Variants in PZP observed in about 807,000 individuals in gnomAD.
PZP encodes the protein PZP alpha-2-macroglobulin like, also known as pregnancy zone protein.
In PZP, 150 loss-of-function variants were observed where a neutral mutation model predicts 179.8. The observed-to-expected ratio is 0.83, with a 90% confidence interval of 0.73 to 0.96. PZP has a LOEUF of 0.96. Ranked by LOEUF, PZP falls within the 40% of genes least tolerant of loss-of-function variation. The pLI is 0.00. For synonymous variants in PZP, 624 were observed against 652.3 expected, an observed-to-expected ratio of 0.96 and a Z score of 0.66; for missense variants, 1,689 against 1,764.0, an observed-to-expected ratio of 0.96 and a Z score of 0.76.
chr12:9,164,829 AAAGCTGAGTTGT>A (rs1486209868), intron 19 of PZP, among the ~76,000 whole-genome samples: 3 of 152,234 alleles, frequency 2.0e-5, no homozygotes, highest in African/African-American at 7.2e-5. Context: ...TGGAACTGAG[AAAGCTGAGTTGT>A]GTGTCAGCTT....
chr12:9,148,884 G>A lies in PZP; in HGVS notation c.*88C>T. 4 of 1,169,234 alleles carry A rather than the reference G, an allele frequency of 3.4e-6. No individual in the cohort carries two copies. The highest frequency in any genetic ancestry group is 5.0e-6 in the Non-Finnish European group (4 of 799,668). The allele number at this position is 1,169,234 out of a possible 1,614,324, so 72.4% of individuals were successfully genotyped here. On this transcript the variant is annotated 3_prime_UTR_variant, in exon 36 of 36. Coordinates refer to ENST00000261336, the MANE Select transcript of PZP (RefSeq NM_002864.3). ...TATTTATTCAGCAAATATTTTTAGT[G>A]TCTATTTTATAGAGACAAATAACTC...
chr12:9,181,747 G>C (rs1046820971), intron 14 of PZP, among the ~76,000 whole-genome samples: 1 of 152,154 alleles, frequency 6.6e-6, no homozygotes, highest in Non-Finnish European at 1.5e-5. Flanking sequence ...AATCAGCAGA[G>C]AAGAGCATCA....
intron 11 of PZP, among the ~76,000 whole-genome samples, chr12:9,193,729 G>C (rs1943587201): frequency 6.6e-6 from 1 of 152,172 alleles, no homozygotes; most frequent in Non-Finnish European, 1.5e-5. Flanking sequence ...GTGTGTGTGT[G>C]TGTGATCACT....
In PZP at chr12:9,194,191, G is replaced by T; in HGVS notation, c.1140C>A (p.Phe380Leu). The T allele has an allele frequency of 6.2e-7, 1 of 1,614,064 alleles. No individual in the cohort carries two copies. The highest frequency in any genetic ancestry group is 1.3e-5 in the African/African-American group (1 of 75,034). ...GKGVPIPNKL[F>L]FISVNDANYY... ...AATTGGCGTCATTCACAGAGATGAA[G>T]AAGAGTTTATTGGGGATGGGCACAC... Residue 380 changes from phenylalanine to leucine, a missense_variant, in exon 11 of 36, where the codon TTC (phenylalanine) becomes TTA (leucine). This residue lies in a region of PZP where 742 missense variants were observed against 730.5 expected (regional missense o/e 1.02). Transcript: ENST00000261336.
In PZP at chr12:9,157,304, C is replaced by T. The variant is rs756647021; in HGVS notation, c.3421G>A (p.Ala1141Thr). The T allele has an allele frequency of 6.2e-7, 1 of 1,614,058 alleles. No homozygotes were observed. The highest frequency in any genetic ancestry group is 1.7e-5 in the Admixed American group (1 of 60,028). ...TGGCTCCCATGGGTCCCCTCCTTTG[C>T]TACATTCCAGGCTGACTCCAGGCAG... The part of the protein sequence containing the change: ...LFCLESAWNV[A>T]KEGTHGSHVY... Residue 1141 changes from alanine (A) to threonine (T), a missense_variant, in exon 28 of 36, where the codon GCA becomes ACA. Coordinates refer to ENST00000261336, the MANE Select transcript of PZP (RefSeq NM_002864.3).
At chr12:9,159,884 T>C (rs891923537) in intron 25 of PZP, 54 bp downstream of exon 25, 1 of 1,441,010 alleles carries the variant, frequency 6.9e-7, no homozygotes, top group Non-Finnish European at 9.8e-7. Context: ...ACAGGTAATC[T>C]ATGTGCACGT....
chr12:9,204,394 A>G (rs1944344518), intron 1 of PZP, among the ~76,000 whole-genome samples: 1 of 152,236 alleles, frequency 6.6e-6, no homozygotes, highest in African/African-American at 2.4e-5. Flanking sequence ...GATAAACATC[A>G]CTTTGGAATG....
chr12:9,199,484 A>G (rs980037583), intron 7 of PZP, among the ~76,000 whole-genome samples: 6 of 152,172 alleles, frequency 3.9e-5, no homozygotes, highest in African/African-American at 1.4e-4. Context: ...CTGGTTATTG[A>G]ACAATTGTTC....
At chr12:9,198,565 A>G (rs1943971863) in intron 7 of PZP, among the ~76,000 whole-genome samples, 1 of 152,148 alleles carries the variant, frequency 6.6e-6, no homozygotes, top group Non-Finnish European at 1.5e-5. Context: ...AGGGAGAGAG[A>G]GGGAGAAAAA....
At chr12:9,160,614 A>T in intron 23 of PZP, 124 bp from the exon 24 acceptor site, 2 of 861,440 alleles carry the variant, frequency 2.3e-6, no homozygotes, top group Non-Finnish European at 3.6e-6. Flanking sequence ...ATATACACAG[A>T]GTGTGACTTC....
In PZP at chr12:9,176,994, G is replaced by A. The variant is rs184297444; in HGVS notation, c.1839+3989C>T. Among the ~76,000 whole-genome samples, 67 of 152,288 alleles carry A rather than the reference G, an allele frequency of 4.4e-4. 2 individuals are homozygous for A. In the South Asian group the frequency reaches 8.9e-3, roughly 20 times the overall value. Reference sequence around the variant, plus strand: ...CAATGAGAATCTCAGAGAGAGGATCGAGTATATTTTACATGTGAGAGCTCA... The same window carrying A: ...CAATGAGAATCTCAGAGAGAGGATCAAGTATATTTTACATGTGAGAGCTCA... On this transcript the variant is annotated intron_variant, in intron 15 of 35. Transcript: ENST00000261336.
At chr12:9,178,164 G>A (rs74060647) in intron 15 of PZP, among the ~76,000 whole-genome samples, 23 of 152,216 alleles carry the variant, frequency 1.5e-4, no homozygotes, top group African/African-American at 5.3e-4. Flanking sequence ...CATTATCTGT[G>A]GTCAACTGTG....
rs778576464 is a variant in PZP, at chr12:9,201,024, G to A, written c.538C>T (p.Leu180Phe). 4 of 1,614,102 alleles carry A rather than the reference G, an allele frequency of 2.5e-6. No homozygotes were observed. The highest frequency in any genetic ancestry group is 3.3e-5 in the Admixed American group (2 of 60,024). ...RRNRIAQWQS[L>F]KLEAGINQLS... ...TGATTGATGCCAGCTTCTAGCTTGA[G>A]ACTCTGCCATTGTGCAATTCGATTT... is the stretch of plus-strand genomic sequence containing the variant. Residue 180 changes from leucine to phenylalanine, a missense_variant, in exon 6 of 36, where the codon CTC (leucine) becomes TTC (phenylalanine). By Grantham distance (22) the Leu-to-Phe change is conservative. This residue lies in a region of PZP where 742 missense variants were observed against 730.5 expected (regional missense o/e 1.02). Coordinates refer to ENST00000261336, the MANE Select transcript of PZP (RefSeq NM_002864.3).
rs1944121329 is a variant in PZP, at chr12:9,200,969, A to G, written c.593T>C (p.Ile198Thr). 3.1e-6 allele frequency: 5 copies of G among 1,613,826 alleles called. No homozygotes were observed. Among genetic ancestry groups the G allele is most frequent in the Middle Eastern group, 1.6e-4 (1 of 6,084 alleles). Residue 198 changes from isoleucine (I) to threonine (T), a missense_variant, in exon 6 of 36, where the codon ATT (isoleucine) becomes ACT (threonine). Coordinates refer to ENST00000261336, the MANE Select transcript of PZP (RefSeq NM_002864.3). ...TACCACCACCCTGTAGGAGCCCTGA[A>G]TGGGCTCTGATGAGAGGGGAAAGGA... ...QLSFPLSSEP[I>T]QGSYRVVVQT...
rs1940607668 is a variant in PZP, at chr12:9,154,614, A to G, written c.3774+2T>C. The G allele has an allele frequency of 6.2e-7, 1 of 1,613,666 alleles. No homozygotes were observed. Among genetic ancestry groups the G allele is most frequent in the Admixed American group, 1.7e-5 (1 of 59,982 alleles). ...GCAGAAGACTCTTTGGGAACCACTGACCTGGGTGGAGGAGAAACCACCTTG... is the reference window on the plus strand; with the variant it reads ...GCAGAAGACTCTTTGGGAACCACTGGCCTGGGTGGAGGAGAAACCACCTTG... On this transcript the variant is annotated splice_donor_variant, in intron 29 of 35. Transcript: ENST00000261336. LOFTEE classifies it high-confidence loss of function.
chr12:9,161,683 A>G (rs1592461917), intron 22 of PZP, among the ~76,000 whole-genome samples: 1 of 152,374 alleles, frequency 6.6e-6, no homozygotes, highest in Non-Finnish European at 1.5e-5. Context: ...TAAATAGATA[A>G]CATGAATATA....
intron 6 of PZP, 26 bp from the exon 7 acceptor site, chr12:9,200,474 G>A (rs2121204647): frequency 4.6e-6 from 7 of 1,520,206 alleles, no homozygotes; most frequent in Non-Finnish European, 6.3e-6. Context: ...ATAGGAATAA[G>A]GAAGGTTGGT....
At chr12:9,157,381 C>G (rs773659821) in intron 27 of PZP, 26 bp from the exon 28 acceptor site, 1 of 1,597,312 alleles carries the variant, frequency 6.3e-7, no homozygotes, top group Non-Finnish European at 8.5e-7. Flanking sequence ...GTGGTTGTGT[C>G]AAACTAGGGT....
intron 19 of PZP, 111 bp downstream of exon 19, chr12:9,165,028 A>G: frequency 7.5e-7 from 1 of 1,327,240 alleles, no homozygotes; most frequent in Middle Eastern, 1.9e-4. Flanking sequence ...TCACAGTGCT[A>G]ACACACAATC....
Sources: allele counts gnomAD v4.1 joint callset (sites outside exome capture counted in the v4.1 genomes callset), GRCh38; gene constraint gnomAD v4.1.1; regional missense constraint gnomAD v4.1.1; transcripts MANE v1.5; gene names NCBI Gene and HGNC (gene_info 2026-07-23, HGNC 2026-07-21).